PRKCD: variants seen among roughly 807,000 people sequenced by gnomAD.
The protein encoded by PRKCD is protein kinase C delta type.
In PRKCD, 20 loss-of-function variants were observed where a neutral mutation model predicts 82.2. The observed-to-expected ratio is 0.24, with a 90% confidence interval of 0.17 to 0.35. PRKCD has a LOEUF of 0.35. PRKCD is among the 10% of genes least tolerant of loss of function. The pLI is 1.00. For missense variants in PRKCD, 607 were observed against 899.0 expected, an observed-to-expected ratio of 0.68 and a Z score of 4.15; for synonymous variants, 317 against 337.0, an observed-to-expected ratio of 0.94 and a Z score of 0.65.
At chr3:53,165,908 A>C (rs1249191577) in intron 2 of PRKCD, among the ~76,000 whole-genome samples, 2 of 152,234 alleles carry the variant, frequency 1.3e-5, no homozygotes, top group Non-Finnish European at 2.9e-5. Context: ...TATTACCATG[A>C]AAACATTGCT....
intron 3 of PRKCD, among the ~76,000 whole-genome samples, 189 bp downstream of exon 3, chr3:53,178,726 A>G (rs1703311558): frequency 6.6e-6 from 1 of 152,326 alleles, no homozygotes; most frequent in African/African-American, 2.4e-5. Context: ...ACACTGGCCA[A>G]ATTGAGCCCT....
chr3:53,172,049 C>T (rs3773726), intron 2 of PRKCD, among the ~76,000 whole-genome samples: 18,249 of 151,918 alleles, frequency 0.12, 1,344 homozygotes, highest in East Asian at 0.22. Context: ...GGATGAGGTA[C>T]CTGTCCTGGG....
chr3:53,183,029 T>C (rs1385743909), intron 7 of PRKCD, 92 bp from the exon 8 acceptor site: 5 of 1,310,452 alleles, frequency 3.8e-6, no homozygotes, highest in African/African-American at 1.5e-5. Flanking sequence ...TGGCTTTGTG[T>C]AGAGGGCTAG....
chr3:53,164,149 A>G (rs1702759421), intron 1 of PRKCD, among the ~76,000 whole-genome samples: 1 of 152,178 alleles, frequency 6.6e-6, no homozygotes, highest in African/African-American at 2.4e-5. Context: ...TAGGCCTTTC[A>G]GCCAGGAGAC....
intron 2 of PRKCD, among the ~76,000 whole-genome samples, chr3:53,166,486 G>A (rs1702835828): frequency 6.6e-6 from 1 of 152,226 alleles, no homozygotes; most frequent in South Asian, 2.1e-4. Flanking sequence ...CAGTGGGCAT[G>A]CACACCCACA....
intron 15 of PRKCD, 80 bp from the exon 16 acceptor site, chr3:53,188,640 C>A: frequency 6.4e-7 from 1 of 1,570,912 alleles, no homozygotes. Context: ...ACTAATACGG[C>A]TGAAAATTAG....
rs782122153 is a variant in PRKCD at position 53,189,138 on chromosome 3, G to A, written c.1635G>A (p.Gln545=). 3.7e-6 allele frequency: 6 copies of A among 1,614,132 alleles called. No homozygotes were observed. Among genetic ancestry groups the A allele is most frequent in the African/African-American group, 1.3e-5 (1 of 74,952 alleles). Residue 545 remains glutamine, a synonymous_variant, in exon 17 of 19, where the codon CAG becomes CAA. Coordinates refer to ENST00000330452, the MANE Select transcript of PRKCD (RefSeq NM_006254.4). The part of the protein sequence containing the change: ...GVLLYEMLIG[Q]SPFHGDDEDE... ...TTCTGTACGAGATGCTCATTGGCCA[G>A]TCCCCCTTCCATGGTGATGATGAGG...
At chr3:53,167,296 A>C (rs1702866011) in intron 2 of PRKCD, among the ~76,000 whole-genome samples, 1 of 152,164 alleles carries the variant, frequency 6.6e-6, no homozygotes, top group African/African-American at 2.4e-5. Context: ...TTTCACTGCC[A>C]GGGCTGCCCA....
chr3:53,189,973 G>A lies in PRKCD; in HGVS notation c.1844G>A (p.Arg615Lys). Residue 615 changes from arginine to lysine, a missense_variant, in exon 18 of 19, where the codon AGG becomes AAG. By Grantham distance (26) the Arg-to-Lys change is conservative. Coordinates refer to ENST00000330452, the MANE Select transcript of PRKCD (RefSeq NM_006254.4). ...AACTGGACTCTGCTGGAAAAGCGGAGGTTGGAGCCACCTTTCAGGCCCAAA... is the reference window on the plus strand; with the variant it reads ...AACTGGACTCTGCTGGAAAAGCGGAAGTTGGAGCCACCTTTCAGGCCCAAA... The part of the protein sequence containing the change: ...TINWTLLEKR[R>K]LEPPFRPKVK... The A allele has an allele frequency of 6.2e-7, 1 of 1,614,174 alleles. No individual in the cohort carries two copies.
chr3:53,183,160 T>C lies in PRKCD; in HGVS notation c.611T>C (p.Ile204Thr). The change falls in exon 8 of 19, where the codon ATC becomes ACC. Residue 204 changes from isoleucine to threonine, a missense_variant. Physicochemically the swap from Ile to Thr is moderately conservative, Grantham distance 89. Coordinates refer to ENST00000330452, the MANE Select transcript of PRKCD (RefSeq NM_006254.4). ...AAIHKKCIDKIIGRCTGTAAN... is the reference protein window; with the variant it reads ...AAIHKKCIDKTIGRCTGTAAN... ...ATCCACAAGAAATGCATCGACAAGATCATCGGCAGATGCACTGGCACCGCG... is the reference window on the plus strand; with the variant it reads ...ATCCACAAGAAATGCATCGACAAGACCATCGGCAGATGCACTGGCACCGCG... 1 of 1,614,152 alleles carries C rather than the reference T, an allele frequency of 6.2e-7. No homozygotes were observed. Among genetic ancestry groups the C allele is most frequent in the Non-Finnish European group, 8.5e-7 (1 of 1,180,028 alleles).
At position 53,181,204 on chromosome 3, in the gene PRKCD, C is replaced by T. The variant is rs782727049; in HGVS notation, c.316-3C>T. The T allele has an allele frequency of 1.2e-6, 2 of 1,613,552 alleles. No homozygotes were observed. On this transcript the variant is annotated splice_region_variant and splice_polypyrimidine_tract_variant and intron_variant, in intron 4 of 18. Transcript: ENST00000330452. ...TTCTCCCCTGGCCTCTGGCCCCCAA[C>T]AGCTGGACCTGCAGCCTCAGGCCAA...
At chr3:53,185,449 G>T (rs1553668770) in intron 10 of PRKCD, among the ~76,000 whole-genome samples, 155 bp from the exon 11 acceptor site, 1 of 152,214 alleles carries the variant, frequency 6.6e-6, no homozygotes, top group African/African-American at 2.4e-5. Context: ...AAGAGTGCGT[G>T]TGTGTACACG....
chr3:53,182,047 T>C, intron 7 of PRKCD: 1 of 517,596 alleles, frequency 1.9e-6, no homozygotes, highest in Admixed American at 2.3e-5. Flanking sequence ...GGAGAGGCAA[T>C]GATAGGTCCT....
At chr3:53,191,122 A>G (rs1653696817) in intron 18 of PRKCD, among the ~76,000 whole-genome samples, 2 of 152,186 alleles carry the variant, frequency 1.3e-5, no homozygotes, top group Admixed American at 1.3e-4. Context: ...TTTAAAATAT[A>G]AGTTCAGGCC....
At chr3:53,186,424 C>A in intron 13 of PRKCD, 84 bp downstream of exon 13, 1 of 1,536,706 alleles carries the variant, frequency 6.5e-7, no homozygotes. Flanking sequence ...GGCTGTGTCT[C>A]CCCTTCAGGC....
intron 7 of PRKCD, 46 bp from the exon 8 acceptor site, chr3:53,183,075 C>T: frequency 1.3e-6 from 2 of 1,597,868 alleles, no homozygotes; most frequent in Non-Finnish European, 1.7e-6. Flanking sequence ...GACTCTGCCC[C>T]TCCCGGTGCT....
At chr3:53,187,285 A>G in intron 14 of PRKCD, 55 bp from the exon 15 acceptor site, 1 of 1,602,628 alleles carries the variant, frequency 6.2e-7, no homozygotes, top group Non-Finnish European at 8.5e-7. Context: ...CCCGAGGAGA[A>G]GCAGAGGCTG....
At chr3:53,174,746 C>G (rs1454107810) in intron 2 of PRKCD, among the ~76,000 whole-genome samples, 1 of 152,156 alleles carries the variant, frequency 6.6e-6, no homozygotes, top group Non-Finnish European at 1.5e-5. Context: ...TGGTTTTAGT[C>G]TTAGGAGGTT....
chr3:53,183,046 C>A, intron 7 of PRKCD, 75 bp from the exon 8 acceptor site: 1 of 1,471,454 alleles, frequency 6.8e-7, no homozygotes, highest in South Asian at 1.2e-5. Context: ...CTAGACTGGT[C>A]GGCAGGCACC....
Sources: gnomAD v4.1 joint callset for allele counts (sites outside exome capture counted in the v4.1 genomes callset) on GRCh38, gnomAD v4.1.1 for gene constraint, MANE v1.5 for transcripts, NCBI Gene and HGNC (gene_info 2026-07-23, HGNC 2026-07-21) for gene names.